Variants in PDCD10 observed in about 807,000 individuals in gnomAD.
The protein encoded by PDCD10 is programmed cell death 10.
Under a neutral mutation model 29.2 loss-of-function variants are expected in PDCD10, and 4 were observed. The observed-to-expected ratio is 0.14, with a 90% CI of 0.07 to 0.31. The LOEUF is 0.31. Among genes scored for constraint, PDCD10 ranks in the 10% least tolerant of loss-of-function variants. The pLI, the probability that PDCD10 is intolerant of heterozygous loss-of-function variation, is 1.00. For synonymous variants in PDCD10, 70 were observed against 82.2 expected, an observed-to-expected ratio of 0.85 and a Z score of 0.80; for missense variants, 183 against 257.9, an observed-to-expected ratio of 0.71 and a Z score of 1.99.
chr3:167,720,700 T>C (rs1233170717), intron 2 of PDCD10, among the ~76,000 whole-genome samples: 1 of 152,074 alleles, frequency 6.6e-6, no homozygotes, highest in Non-Finnish European at 1.5e-5. Context: ...AATCGAAGAA[T>C]CAATAAAGAA....
At chr3:167,722,647 T>A (rs908648228) in intron 2 of PDCD10, among the ~76,000 whole-genome samples, 1 of 152,178 alleles carries the variant, frequency 6.6e-6, no homozygotes, top group African/African-American at 2.4e-5. Flanking sequence ...AGAATCTCGG[T>A]ATAAAGGAGG....
chr3:167,686,159 T>C (rs1719604530), intron 8 of PDCD10, among the ~76,000 whole-genome samples: 1 of 152,228 alleles, frequency 6.6e-6, no homozygotes, highest in Admixed American at 6.5e-5. Flanking sequence ...CAAAAAATTC[T>C]CACATTTGAC....
chr3:167,684,488 A>G, intron 8 of PDCD10, 99 bp from the exon 9 acceptor site: 1 of 696,740 alleles, frequency 1.4e-6, no homozygotes, highest in Admixed American at 2.2e-5. Flanking sequence ...ATTTTAGAAA[A>G]AAAAAAAAGA....
intron 2 of PDCD10, among the ~76,000 whole-genome samples, chr3:167,726,826 T>C (rs1036020788): frequency 1.3e-5 from 2 of 152,168 alleles, no homozygotes; most frequent in African/African-American, 4.8e-5. Flanking sequence ...TCAAAGTTTG[T>C]ACCCTAGGCA....
At chr3:167,698,027 T>C (rs1167813453) in intron 4 of PDCD10, 1 of 456,246 alleles carries the variant, frequency 2.2e-6, no homozygotes, top group South Asian at 1.5e-5. Context: ...CTTAATCAGA[T>C]GGCAATCTTT....
chr3:167,731,277 C>T (rs1028658693), intron 2 of PDCD10, among the ~76,000 whole-genome samples: 8 of 152,092 alleles, frequency 5.3e-5, no homozygotes, highest in Admixed American at 2.6e-4. Flanking sequence ...TAATGAATAT[C>T]GCTTGCAAAA....
At chr3:167,703,476 AAG>A (rs1721651093) in intron 4 of PDCD10, among the ~76,000 whole-genome samples, 1 of 152,128 alleles carries the variant, frequency 6.6e-6, no homozygotes, top group Admixed American at 6.6e-5. Flanking sequence ...GCTACCAGAA[AAG>A]AGTGTTATCA....
Position 167,694,977 on chromosome 3 carries a change from G to A in PDCD10, c.395+619C>T, listed in dbSNP as rs1280135240. On this transcript the variant is annotated intron_variant, in intron 6 of 8. Transcript: ENST00000392750. The stretch of plus-strand genomic sequence containing the variant: ...CTGAAGAAAATTATCAGACTTTCTA[G>A]TTTAAAGATACTTATGTAGGGATTA... Among the ~76,000 whole-genome samples the A allele has an allele frequency of 2.0e-5, 3 of 152,312 alleles. No homozygotes were observed. The East Asian group carries it at 5.8e-4, about 29-fold the overall frequency.
At chr3:167,705,012 T>G in intron 3 of PDCD10, 117 bp from the exon 4 acceptor site, 1 of 646,594 alleles carries the variant, frequency 1.5e-6, no homozygotes, top group African/African-American at 1.8e-5. Context: ...AACATTCTTG[T>G]TAACAATTGT....
intron 6 of PDCD10, 54 bp from the exon 7 acceptor site, chr3:167,687,747 G>A: frequency 1.1e-6 from 1 of 916,938 alleles, no homozygotes; most frequent in Admixed American, 1.7e-5. Flanking sequence ...ATTTGTGAGA[G>A]AAAAGAACAT....
chr3:167,725,952 T>C (rs1242342135), intron 2 of PDCD10, among the ~76,000 whole-genome samples: 1 of 150,892 alleles, frequency 6.6e-6, no homozygotes, highest in Non-Finnish European at 1.5e-5. Flanking sequence ...TCATTTCACC[T>C]CTCTATCCTT....
At chr3:167,709,918 G>A (rs1247125017) in intron 3 of PDCD10, among the ~76,000 whole-genome samples, 5 of 152,126 alleles carry the variant, frequency 3.3e-5, no homozygotes, top group Non-Finnish European at 1.5e-5. Context: ...ATAAGCAACA[G>A]GCAGAGTACT....
chr3:167,687,402 A>G (rs1559944752), intron 7 of PDCD10, 86 bp from the exon 8 acceptor site: 1 of 825,596 alleles, frequency 1.2e-6, no homozygotes, highest in Admixed American at 1.9e-5. Context: ...GAGATTACAC[A>G]GGATATGGGA....
At chr3:167,686,093 A>C (rs1486743833) in intron 8 of PDCD10, among the ~76,000 whole-genome samples, 1 of 152,336 alleles carries the variant, frequency 6.6e-6, no homozygotes, top group Non-Finnish European at 1.5e-5. Context: ...GGATGGAATG[A>C]TTGAGGTCTC....
Position 167,719,134 on chromosome 3 carries a change from CTTACT to C in PDCD10, c.96+923_96+927del, listed in dbSNP as rs1464893717. ...AAAAAATGGTTTTGAAATGCAGAATCTTACTTTAATGAAAGTATTTTACAAAGAGA... is the reference window on the plus strand; with the variant it reads ...AAAAAATGGTTTTGAAATGCAGAATCTTAATGAAAGTATTTTACAAAGAGA... On this transcript the variant is annotated intron_variant, in intron 3 of 8. Coordinates refer to ENST00000392750, the MANE Select transcript of PDCD10 (RefSeq NM_007217.4). 3.9e-5 allele frequency among the ~76,000 whole-genome samples: 6 copies of C among 152,102 alleles called. No homozygotes were observed. The East Asian group carries it at 1.2e-3, about 29-fold the overall frequency.
chr3:167,690,257 A>C (rs1455574400), intron 6 of PDCD10, among the ~76,000 whole-genome samples: 1 of 152,212 alleles, frequency 6.6e-6, no homozygotes, highest in African/African-American at 2.4e-5. Flanking sequence ...TTATCAAAAA[A>C]CTGCAATAGA....
At chr3:167,725,228 G>T (rs1280474853) in intron 2 of PDCD10, among the ~76,000 whole-genome samples, 5 of 136,540 alleles carry the variant, frequency 3.7e-5, no homozygotes, top group African/African-American at 1.1e-4. Context: ...CTGCACTCCA[G>T]CCTGGGCAAC....
chr3:167,696,876 C>CCAT, intron 5 of PDCD10, 133 bp downstream of exon 5: 3 of 724,090 alleles, frequency 4.1e-6, no homozygotes, highest in South Asian at 2.9e-5. Flanking sequence ...ACCACCACCA[C>CCAT]CATCATCATC....
intron 2 of PDCD10, among the ~76,000 whole-genome samples, chr3:167,721,894 G>C (rs1027222812): frequency 2.6e-5 from 4 of 152,056 alleles, no homozygotes; most frequent in Admixed American, 1.3e-4. Context: ...TAACGACAAG[G>C]AAAACTTAAC....
Sources: allele counts gnomAD v4.1 joint callset (sites outside exome capture counted in the v4.1 genomes callset), GRCh38; gene constraint gnomAD v4.1.1; transcripts MANE v1.5; gene names NCBI Gene and HGNC (gene_info 2026-07-23, HGNC 2026-07-21).